WDR7: variants seen among roughly 807,000 people sequenced by gnomAD.
WDR7 encodes WD repeat-containing protein 7.
In WDR7, 46 loss-of-function variants were observed where a neutral mutation model predicts 169.4. That is an observed-to-expected ratio of 0.27 (90% CI 0.21 to 0.35). The LOEUF is 0.35. Ranked by LOEUF, WDR7 falls within the 10% of genes least tolerant of loss-of-function variation. The pLI is 1.00. For synonymous variants in WDR7, 612 were observed against 666.8 expected, an observed-to-expected ratio of 0.92 and a Z score of 1.27; for missense variants, 1,534 against 1,859.3, an observed-to-expected ratio of 0.83 and a Z score of 3.22.
intron 20 of WDR7, among the ~76,000 whole-genome samples, chr18:56,818,357 T>C (rs2145225182): frequency 1.3e-5 from 2 of 152,362 alleles, no homozygotes; most frequent in East Asian, 3.9e-4. Flanking sequence ...TTTAATTTTA[T>C]TGTTAACAAA....
At chr18:56,745,629 C>A (rs950101423) in intron 14 of WDR7, among the ~76,000 whole-genome samples, 4 of 152,176 alleles carry the variant, frequency 2.6e-5, no homozygotes, top group Admixed American at 6.5e-5. Flanking sequence ...CCGCTCAGCT[C>A]CTGCTGTAGG....
rs1427027243 is a variant in WDR7 at position 56,816,021 on chromosome 18, T to C, written c.3191-10T>C. On this transcript the variant is annotated splice_polypyrimidine_tract_variant and intron_variant, in intron 19 of 27. Coordinates refer to ENST00000254442, the MANE Select transcript of WDR7 (RefSeq NM_015285.3). ...TTGAAGTGAAGCCTTGTGATTCATA[T>C]TTGTTTTAGCTGGAGTCACATCAGA... The C allele has an allele frequency of 3.2e-6, 5 of 1,571,870 alleles. No homozygotes were observed. The East Asian group carries it at 1.1e-4, about 35-fold the overall frequency.
chr18:56,794,598 C>T lies in WDR7; in HGVS notation c.3190+12942C>T, dbSNP rs552178846. ...TGCTGGGATTACAGGCGTGAGCCAC[C>T]GTGCCCGGCCAGATAAAGTCTATTT... On this transcript the variant is annotated intron_variant, in intron 19 of 27. Transcript: ENST00000254442. Among the ~76,000 whole-genome samples, 175 of 152,002 alleles carry T rather than the reference C, an allele frequency of 1.2e-3. 1 individual carries two copies. The highest frequency in any genetic ancestry group is 3.9e-3 in the African/African-American group (163 of 41,498).
chr18:56,696,732 G>C (rs1380215875), intron 12 of WDR7, among the ~76,000 whole-genome samples: 1 of 152,112 alleles, frequency 6.6e-6, no homozygotes, highest in Non-Finnish European at 1.5e-5. Context: ...CAGCAGTTGA[G>C]AAAATGTTTA....
intron 20 of WDR7, among the ~76,000 whole-genome samples, chr18:56,826,638 T>C (rs745916268): frequency 6.6e-6 from 1 of 152,218 alleles, no homozygotes; most frequent in Non-Finnish European, 1.5e-5. Flanking sequence ...AGAGGAGTCC[T>C]CACTCATAGG....
At chr18:56,695,812 G>A (rs899137718) in intron 11 of WDR7, among the ~76,000 whole-genome samples, 10 of 152,108 alleles carry the variant, frequency 6.6e-5, no homozygotes, top group African/African-American at 2.4e-4. Flanking sequence ...AGTGGAAATC[G>A]AATGTCAACC....
chr18:56,936,771 A>C (rs888815662), intron 23 of WDR7, among the ~76,000 whole-genome samples: 3 of 152,178 alleles, frequency 2.0e-5, no homozygotes, highest in African/African-American at 7.2e-5. Context: ...GTATAGGCTT[A>C]TGTGAGGCAC....
chr18:56,929,897 C>T lies in WDR7; in HGVS notation c.3713+5789C>T, dbSNP rs370330722. 7.4e-4 allele frequency among the ~76,000 whole-genome samples: 112 copies of T among 152,270 alleles called. 1 individual carries two copies. The highest frequency in any genetic ancestry group is 2.6e-3 in the African/African-American group (110 of 41,558). ...ATATTGATTGATAACATGATAGAAA[C>T]AGCAGAAAATCCCACTATACTAAGG... On this transcript the variant is annotated intron_variant, in intron 22 of 27. Transcript: ENST00000254442.
intron 20 of WDR7, among the ~76,000 whole-genome samples, chr18:56,817,749 T>G (rs1407583435): frequency 1.7e-5 from 2 of 119,052 alleles, no homozygotes; most frequent in Non-Finnish European, 3.4e-5. Flanking sequence ...TCTTTGCAGA[T>G]TTTTTTTTTT....
intron 20 of WDR7, among the ~76,000 whole-genome samples, chr18:56,879,180 A>G (rs925851909): frequency 6.6e-6 from 1 of 152,140 alleles, no homozygotes; most frequent in African/African-American, 2.4e-5. Flanking sequence ...CCTATGTCTA[A>G]CTTGTTGAGG....
chr18:56,707,697 G>A (rs1360990852), intron 12 of WDR7, among the ~76,000 whole-genome samples: 1 of 152,120 alleles, frequency 6.6e-6, no homozygotes, highest in African/African-American at 2.4e-5. Flanking sequence ...GGGGAGGTTT[G>A]ACCCCATTTA....
chr18:56,731,489 C>A lies in WDR7; in HGVS notation c.1881C>A (p.Asn627Lys), dbSNP rs769539452. Residue 627 changes from asparagine to lysine, a missense_variant, in exon 14 of 28, where the codon AAC becomes AAA. Transcript: ENST00000254442. The part of the protein sequence containing the change: ...AVDSLSHPAV[N>K]LKQAMTRRSL... The stretch of plus-strand genomic sequence containing the variant: ...ATTCACTTAGTCATCCAGCAGTCAA[C>A]CTAAAACAAGCTATGACGAGACGTA... The A allele has an allele frequency of 1.2e-6, 2 of 1,613,986 alleles. No homozygotes were observed. The highest frequency in any genetic ancestry group is 1.7e-6 in the Non-Finnish European group (2 of 1,180,020).
intron 20 of WDR7, among the ~76,000 whole-genome samples, chr18:56,874,611 A>G (rs568656086): frequency 6.6e-6 from 1 of 152,270 alleles, no homozygotes; most frequent in Admixed American, 6.5e-5. Flanking sequence ...AATATCCTAT[A>G]CAAAATTCAA....
In WDR7 at chr18:56,824,173, G is replaced by C. The variant is rs372094807; in HGVS notation, c.3304+8029G>C. On this transcript the variant is annotated intron_variant, in intron 20 of 27. Transcript: ENST00000254442. Reference sequence around the variant, plus strand: ...ATACTTTGCATGTGCCCCTCCATCTGACTGGCATGCTCTTAACTCTGACAT... The same window carrying C: ...ATACTTTGCATGTGCCCCTCCATCTCACTGGCATGCTCTTAACTCTGACAT... Among the ~76,000 whole-genome samples the C allele has an allele frequency of 5.3e-5, 8 of 152,252 alleles. No individual in the cohort carries two copies. In the South Asian group the frequency reaches 1.2e-3, roughly 24 times the overall value.
intron 26 of WDR7, among the ~76,000 whole-genome samples, chr18:56,969,568 C>T (rs2047455196): frequency 6.6e-6 from 1 of 152,188 alleles, no homozygotes; most frequent in Admixed American, 6.5e-5. Flanking sequence ...TGAAATGTCT[C>T]ACCGAGTAAA....
chr18:56,918,424 A>G (rs1008131976), intron 21 of WDR7, among the ~76,000 whole-genome samples: 2 of 152,216 alleles, frequency 1.3e-5, no homozygotes, highest in Non-Finnish European at 2.9e-5. Context: ...ACAAATGGCA[A>G]TGATTTCTAG....
chr18:56,678,361 A>G (rs1339823702), intron 2 of WDR7, among the ~76,000 whole-genome samples: 1 of 152,160 alleles, frequency 6.6e-6, no homozygotes, highest in Non-Finnish European at 1.5e-5. Flanking sequence ...CCATGGAGGA[A>G]TTAAGTATTT....
At chr18:56,776,661 C>T (rs939760906) in intron 16 of WDR7, 121 bp from the exon 17 acceptor site, 2 of 762,894 alleles carry the variant, frequency 2.6e-6, no homozygotes, top group Non-Finnish European at 4.6e-6. Flanking sequence ...AACATCGTTT[C>T]AGTTCTACAT....
chr18:56,766,737 A>G (rs182475178), intron 16 of WDR7, among the ~76,000 whole-genome samples: 1 of 151,584 alleles, frequency 6.6e-6, no homozygotes, highest in African/African-American at 2.4e-5. Flanking sequence ...ATGTGTCCCC[A>G]GAATTTTGAT....
Sources: allele counts gnomAD v4.1 joint callset (sites outside exome capture counted in the v4.1 genomes callset), GRCh38; gene constraint gnomAD v4.1.1; transcripts MANE v1.5; gene names NCBI Gene and HGNC (gene_info 2026-07-23, HGNC 2026-07-21).